VRK3: variants seen among roughly 807,000 people sequenced by gnomAD.
VRK3 encodes serine/threonine-protein kinase VRK3.
A neutral mutation model predicts 60.4 loss-of-function variants in VRK3; 50 were observed. That is an observed-to-expected ratio of 0.83 (90% CI 0.66 to 1.05). VRK3 has a LOEUF of 1.05. Among genes scored for constraint, VRK3 ranks in the 50% least tolerant of loss-of-function variants. The pLI, the probability that VRK3 is intolerant of heterozygous loss-of-function variation, is 0.00. For missense variants in VRK3, 549 were observed against 585.3 expected (o/e 0.94, Z 0.64); for synonymous variants, 246 against 227.8 (o/e 1.08, Z -0.72).
intron 9 of VRK3, 68 bp from the exon 10 acceptor site, chr19:49,993,020 C>T (rs1362392327): frequency 8.0e-7 from 1 of 1,248,448 alleles, no homozygotes; most frequent in African/African-American, 3.3e-5. Context: ...ATGGTGCAGA[C>T]CAGGAGGGAG....
At position 50,007,755 on chromosome 19, in the gene VRK3, C is replaced by T; in HGVS notation, c.361G>A (p.Gly121Ser). 1 of 1,613,804 alleles carries T rather than the reference C, an allele frequency of 6.2e-7. No individual in the cohort carries two copies. Among genetic ancestry groups the T allele is most frequent in the South Asian group, 1.1e-5 (1 of 90,932 alleles). The change falls in exon 5 of 15, where the codon GGT (glycine) becomes AGT (serine). Residue 121 changes from glycine to serine, a missense_variant. Transcript: ENST00000316763. Reference sequence around the variant, plus strand: ...CTACAGCTGGTCTTCTGAGGGCTACCCCTGGTCACCTGAGGGCTCTTCCTG... The same window carrying T: ...CTACAGCTGGTCTTCTGAGGGCTACTCCTGGTCACCTGAGGGCTCTTCCTG... The part of the protein sequence containing the change: ...KTRKSPQVTR[G>S]SPQKTSCSPQ...
intron 2 of VRK3, among the ~76,000 whole-genome samples, chr19:50,020,023 T>C (rs1274422718): frequency 1.3e-5 from 2 of 151,480 alleles, no homozygotes; most frequent in African/African-American, 2.4e-5. Flanking sequence ...ACTACAGGTA[T>C]GCGCTACCAC....
At chr19:49,990,265 G>T (rs1477275552) in intron 10 of VRK3, among the ~76,000 whole-genome samples, 2 of 152,166 alleles carry the variant, frequency 1.3e-5, no homozygotes, top group Non-Finnish European at 2.9e-5. Context: ...TTCTCCATTT[G>T]TAAAATGATG....
intron 10 of VRK3, among the ~76,000 whole-genome samples, chr19:49,991,950 A>C (rs1280558165): frequency 2.6e-5 from 4 of 152,250 alleles, no homozygotes; most frequent in African/African-American, 9.6e-5. Context: ...GAGCAATTAG[A>C]AGTTACTTTA....
chr19:50,002,367 G>T (rs960760906), intron 5 of VRK3, among the ~76,000 whole-genome samples: 3 of 152,112 alleles, frequency 2.0e-5, no homozygotes, highest in Non-Finnish European at 4.4e-5. Flanking sequence ...GACGTATGCA[G>T]GACCCGCATC....
intron 1 of VRK3, among the ~76,000 whole-genome samples, chr19:50,021,982 G>A (rs761461941): frequency 2.0e-5 from 3 of 151,968 alleles, no homozygotes; most frequent in Admixed American, 6.6e-5. Flanking sequence ...CTTAAGCGGC[G>A]AGCCAGACAC....
chr19:50,013,438 G>A (rs1156357026), intron 3 of VRK3, among the ~76,000 whole-genome samples: 1 of 152,168 alleles, frequency 6.6e-6, no homozygotes, highest in Non-Finnish European at 1.5e-5. Context: ...TGAAAGAAAA[G>A]AAGAAATAAA....
At chr19:50,011,658 T>A (rs1315114660) in intron 3 of VRK3, among the ~76,000 whole-genome samples, 1 of 151,218 alleles carries the variant, frequency 6.6e-6, no homozygotes, top group Non-Finnish European at 1.5e-5. Context: ...TCCTCCAGCG[T>A]GTAGTTAAAA....
chr19:50,013,458 T>C (rs1183796964), intron 3 of VRK3, among the ~76,000 whole-genome samples: 1 of 152,182 alleles, frequency 6.6e-6, no homozygotes, highest in Non-Finnish European at 1.5e-5. Context: ...ACCTAATCAT[T>C]TGTTTAAACC....
rs1474702209 is a variant in VRK3 at position 50,020,590 on chromosome 19, T to A, written c.-7A>T. 2.0e-5 allele frequency: 3 copies of A among 152,242 alleles called. No individual in the cohort carries two copies. Among genetic ancestry groups the A allele is most frequent in the Non-Finnish European group, 2.9e-5 (2 of 68,052 alleles). The allele number at this position is 152,242 out of a possible 1,614,324, so 9.4% of individuals were successfully genotyped here. A position where few individuals can be genotyped will look rare whatever the true frequency, so the allele number is the denominator to read the frequency against. ...CTGTGCCCAAGGGATAATACCTTTA[T>A]GAGGTCACGGTCTGGCCCTTGGATT... On this transcript the variant is annotated 5_prime_UTR_variant, in exon 2 of 15. Transcript: ENST00000316763.
At position 50,025,322 on chromosome 19, in the gene VRK3, T is replaced by C. The variant is rs2077253460; in HGVS notation, c.-120A>G. On this transcript the variant is annotated 5_prime_UTR_variant, in exon 1 of 15. Coordinates refer to ENST00000316763, the MANE Select transcript of VRK3 (RefSeq NM_016440.4). ...GGGCTTCTGCAGCCTGACCCTCGGA[T>C]CCTCCGCAGTTACCCGGACTCACCT... 6.6e-6 allele frequency: 1 copy of C among 152,290 alleles called. No individual in the cohort carries two copies. Among genetic ancestry groups the C allele is most frequent in the Non-Finnish European group, 1.5e-5 (1 of 68,120 alleles). 9.4% of individuals were successfully genotyped at this position (152,290 alleles called of 1,614,324 possible). A position where few individuals can be genotyped will look rare whatever the true frequency, so the allele number is the denominator to read the frequency against.
rs563129931 is a variant in VRK3, at chr19:49,988,216, G to A, written c.1217+156C>T. On this transcript the variant is annotated intron_variant, in intron 12 of 14. Transcript: ENST00000316763. Reference sequence around the variant, plus strand: ...GGAACACCTGCCTCGCCTGCTGTGTGGACACTGCAGCACATGCCTGTGCGG... The same window carrying A: ...GGAACACCTGCCTCGCCTGCTGTGTAGACACTGCAGCACATGCCTGTGCGG... 8.6e-5 allele frequency: 101 copies of A among 1,169,656 alleles called. 3 individuals carry two copies. In the South Asian group the frequency reaches 1.4e-3, roughly 16 times the overall value. 72.5% of individuals were successfully genotyped at this position (1,169,656 alleles called of 1,614,324 possible). A position where few individuals can be genotyped will look rare whatever the true frequency, so the allele number is the denominator to read the frequency against.
intron 13 of VRK3, among the ~76,000 whole-genome samples, chr19:49,979,668 T>A (rs953710046): frequency 6.6e-6 from 1 of 152,122 alleles, no homozygotes; most frequent in African/African-American, 2.4e-5. Flanking sequence ...CAGCTTAAAA[T>A]CCTCGAGGCC....
At chr19:49,977,862 GAA>G (rs2076357353) in intron 14 of VRK3, among the ~76,000 whole-genome samples, 1 of 152,170 alleles carries the variant, frequency 6.6e-6, no homozygotes, top group African/African-American at 2.4e-5. Flanking sequence ...CCACCACGGA[GAA>G]AAGAGTCCCC....
intron 5 of VRK3, among the ~76,000 whole-genome samples, chr19:50,006,326 A>G (rs957631396): frequency 4.6e-5 from 7 of 151,470 alleles, no homozygotes; most frequent in African/African-American, 1.7e-4. Context: ...ATAAAAAATA[A>G]TAAATAATAA....
intron 3 of VRK3, among the ~76,000 whole-genome samples, chr19:50,011,155 G>A (rs371243804): frequency 2.0e-5 from 3 of 152,182 alleles, no homozygotes; most frequent in East Asian, 3.9e-4. Context: ...TAAAACACAG[G>A]CTCAAGGCCA....
chr19:49,987,737 C>G (rs956709578), intron 12 of VRK3: 3 of 139,308 alleles, frequency 2.2e-5, no homozygotes, highest in African/African-American at 8.5e-5. Context: ...GAGTCTCGCT[C>G]TGTCGCCCAG....
intron 10 of VRK3, 25 bp from the exon 11 acceptor site, chr19:49,989,796 C>T (rs184004286): frequency 1.3e-6 from 2 of 1,594,656 alleles, no homozygotes; most frequent in African/African-American, 2.7e-5. Context: ...AAAAGCCATA[C>T]AGATTGGAGG....
At chr19:49,988,187 C>G (rs1474801291) in intron 12 of VRK3, 185 bp downstream of exon 12, 2 of 843,718 alleles carry the variant, frequency 2.4e-6, no homozygotes, top group Non-Finnish European at 1.7e-6. Context: ...GGCAGTGTGG[C>G]TCCGGAACAC....
Sources: allele counts gnomAD v4.1 joint callset (sites outside exome capture counted in the v4.1 genomes callset), GRCh38; gene constraint gnomAD v4.1.1; transcripts MANE v1.5; gene names NCBI Gene and HGNC (gene_info 2026-07-23, HGNC 2026-07-21).